MMP25: variants seen among roughly 807,000 people sequenced by gnomAD.
MMP25 encodes the protein matrix metallopeptidase 25, also known as matrix metalloproteinase-25.
Under a neutral mutation model 62.1 loss-of-function variants are expected in MMP25, and 68 were observed. The ratio of observed to expected loss-of-function variants is 1.10; its 90% CI spans 0.90 to 1.34. The LOEUF (loss-of-function observed/expected upper bound fraction) is 1.34. Among genes scored for constraint, MMP25 ranks in the 40% most tolerant of loss-of-function variants. MMP25 has a pLI of 0.00. For synonymous variants in MMP25, 407 were observed against 345.6 expected (o/e 1.18, Z -1.97); for missense variants, 942 against 792.5 (o/e 1.19, Z -2.26).
intron 7 of MMP25, 200 bp downstream of exon 7, chr16:3,057,813 C>T: frequency 1.6e-6 from 1 of 610,054 alleles, no homozygotes. Context: ...ATCCTCCCAC[C>T]TCAGCCTCCC....
intron 4 of MMP25, chr16:3,052,656 C>T (rs2717671): frequency 0.27 from 40,519 of 151,794 alleles, 5,625 homozygotes; most frequent in Middle Eastern, 0.34. Context: ...TGGAGGATGG[C>T]GTCCTGGTGC....
Position 3,058,642 on chromosome 16 carries a change from C to A in MMP25, c.1390C>A (p.Pro464Thr). 6.2e-7 allele frequency: 1 copy of A among 1,604,044 alleles called. No homozygotes were observed. The highest frequency in any genetic ancestry group is 8.5e-7 in the Non-Finnish European group (1 of 1,175,654). Residue 464 changes from proline (P) to threonine (T), a missense_variant, in exon 9 of 10, where the codon CCT (proline) becomes ACT (threonine). Physicochemically the swap from Pro to Thr is conservative, Grantham distance 38 (BLOSUM62 -1). Coordinates refer to ENST00000336577, the MANE Select transcript of MMP25 (RefSeq NM_022468.5). ...LSLWEGAPPSPDDVTVSNAGD... is the reference protein window; with the variant it reads ...LSLWEGAPPSTDDVTVSNAGD... ...CCTCTGGGAAGGCGCGCCCCCCTCC[C>A]CTGACGATGTCACCGTCAGCAACGC...
intron 4 of MMP25, chr16:3,054,465 G>A (rs1320305983): frequency 7.6e-6 from 1 of 131,322 alleles, no homozygotes; most frequent in African/African-American, 3.0e-5. Flanking sequence ...TGAATGGACA[G>A]ATGCATGCAC....
At position 3,060,177 on chromosome 16, in the gene MMP25, G is replaced by C. The variant is rs180751577; in HGVS notation, c.*1079G>C. ...CTCCCCACAGTTTTAGGATCTAAAT[G>C]ATTGCCTCTGGAACTATTCTTCTAG... On this transcript the variant is annotated 3_prime_UTR_variant, in exon 10 of 10. Transcript: ENST00000336577. The C allele has an allele frequency of 6.6e-6, 1 of 152,294 alleles. No individual in the cohort carries two copies. Among genetic ancestry groups the C allele is most frequent in the East Asian group, 1.9e-4 (1 of 5,174 alleles). 9.4% of individuals were successfully genotyped at this position (152,294 alleles called of 1,614,324 possible).
intron 4 of MMP25, chr16:3,052,866 T>C (rs559980726): frequency 1.3e-5 from 2 of 152,362 alleles, no homozygotes; most frequent in East Asian, 1.9e-4. Context: ...AGGGAAATTC[T>C]TGTGCAAGCA....
intron 2 of MMP25, among the ~76,000 whole-genome samples, chr16:3,049,730 A>G (rs544833046): frequency 2.0e-4 from 31 of 152,282 alleles, no homozygotes; most frequent in Middle Eastern, 3.4e-3. Context: ...GGGAAGCTGG[A>G]TGCAAAATCC....
chr16:3,058,036 C>A, intron 7 of MMP25, 145 bp from the exon 8 acceptor site: 1 of 953,338 alleles, frequency 1.0e-6, no homozygotes. Context: ...GGAAAAGTCT[C>A]AGGCGGGCCA....
chr16:3,047,028 G>A lies in MMP25; in HGVS notation c.99+12G>A, dbSNP rs2151151224. 1 of 1,431,116 alleles carries A rather than the reference G, an allele frequency of 7.0e-7. No homozygotes were observed. Among genetic ancestry groups the A allele is most frequent in the South Asian group, 1.4e-5 (1 of 70,660 alleles). The allele number at this position is 1,431,116 out of a possible 1,614,324, so 88.7% of individuals were successfully genotyped here. The stretch of plus-strand genomic sequence containing the variant: ...TGAGCCTGGGCGTGGTGAGCGCGGG[G>A]TCCGCAGGCTCCTGGGGTCTGCAGA... On this transcript the variant is annotated intron_variant, in intron 1 of 9. Transcript: ENST00000336577.
At chr16:3,050,927 A>C (rs1955893653) in intron 4 of MMP25, among the ~76,000 whole-genome samples, 1 of 151,820 alleles carries the variant, frequency 6.6e-6, no homozygotes, top group African/African-American at 2.4e-5. Context: ...CGTAGCCAGG[A>C]CCACAGATGT....
intron 4 of MMP25, chr16:3,055,862 C>A: frequency 2.2e-6 from 1 of 455,432 alleles, no homozygotes; most frequent in South Asian, 1.6e-5. Context: ...AGCTGGCAGG[C>A]GGCTCACCGG....
At position 3,058,815 on chromosome 16, in the gene MMP25, C is replaced by G. The variant is rs1395370736; in HGVS notation, c.1418-12C>G. The G allele has an allele frequency of 1.3e-6, 2 of 1,506,358 alleles. No homozygotes were observed. The highest frequency in any genetic ancestry group is 4.4e-5 in the Admixed American group (2 of 45,720). 93.3% of individuals were successfully genotyped at this position (1,506,358 alleles called of 1,614,324 possible). A position where few individuals can be genotyped will look rare whatever the true frequency, so the allele number is the denominator to read the frequency against. ...GCGGGGAGGGACCGGGACTCAAGCT[C>G]TGCTCCTCCAGGTGACACCTACTTC... On this transcript the variant is annotated splice_polypyrimidine_tract_variant and intron_variant, in intron 9 of 9. Transcript: ENST00000336577.
In MMP25 at chr16:3,060,562, T is replaced by C. The variant is rs1956094912; in HGVS notation, c.*1464T>C. ...AGTTGCTCATACAAACAGATCAGCA[T>C]GAGGACAGAAGGCAGGAGACTTTGG... On this transcript the variant is annotated 3_prime_UTR_variant, in exon 10 of 10. Coordinates refer to ENST00000336577, the MANE Select transcript of MMP25 (RefSeq NM_022468.5). The C allele has an allele frequency of 6.6e-6, 1 of 152,162 alleles. No individual in the cohort carries two copies. Among genetic ancestry groups the C allele is most frequent in the African/African-American group, 2.4e-5 (1 of 41,416 alleles). The allele number at this position is 152,162 out of a possible 1,614,324, so 9.4% of individuals were successfully genotyped here.
chr16:3,051,993 G>C (rs1197926272), intron 4 of MMP25: 2 of 152,134 alleles, frequency 1.3e-5, no homozygotes, highest in Non-Finnish European at 2.9e-5. Flanking sequence ...GGGTGTGGTG[G>C]TGCAAGCCTG....
rs761160421 is a variant in MMP25 at position 3,058,978 on chromosome 16, G to C, written c.1569G>C (p.Ala523=). Residue 523 remains alanine (A), a synonymous_variant, in exon 10 of 10, where the codon GCG becomes GCC. Coordinates refer to ENST00000336577, the MANE Select transcript of MMP25 (RefSeq NM_022468.5). ...CCCGCGCCCCCAGGCCCCCCAAAGC[G>C]ACCCCCGTGTCCGAAACCTGCGATT... ...SGPRAPRPPK[A]TPVSETCDCQ... is the part of the protein sequence containing the mutation. The C allele has an allele frequency of 3.2e-6, 5 of 1,551,046 alleles. No homozygotes were observed. The highest frequency in any genetic ancestry group is 1.9e-5 in the Admixed American group (1 of 51,468).
At position 3,057,645 on chromosome 16, in the gene MMP25, G is replaced by T. The variant is rs1956037105; in HGVS notation, c.1006+32G>T. 6 of 1,600,062 alleles carry T rather than the reference G, an allele frequency of 3.7e-6. No individual in the cohort carries two copies. In the South Asian group the frequency reaches 4.4e-5, roughly 12 times the overall value. On this transcript the variant is annotated intron_variant, in intron 7 of 9. Transcript: ENST00000336577. ...CATTTCACTTGGCCTCATATATGTT[G>T]GTTTCCTGCCCACTTCCAGTGACCC...
intron 4 of MMP25, 94 bp downstream of exon 4, chr16:3,050,640 G>A (rs925325875): frequency 7.7e-6 from 10 of 1,292,112 alleles, no homozygotes; most frequent in South Asian, 6.2e-5. Context: ...AAGAAACAAG[G>A]TCTTGCTCTG....
chr16:3,057,186 G>A lies in MMP25; in HGVS notation c.815G>A (p.Arg272His), dbSNP rs766255727. ...PDKYRLSQDD[R>H]DGLQQLYGKA... is the part of the protein sequence containing the mutation. ...AAGTACCGCCTGTCTCAGGATGACC[G>A]CGATGGCCTGCAGCAACTCTATGGT... The change falls in exon 5 of 10, where the codon CGC becomes CAC. Residue 272 changes from arginine (R) to histidine (H), a missense_variant. Coordinates refer to ENST00000336577, the MANE Select transcript of MMP25 (RefSeq NM_022468.5). The A allele has an allele frequency of 6.8e-6, 11 of 1,612,508 alleles. No individual in the cohort carries two copies. The highest frequency in any genetic ancestry group is 2.2e-5 in the South Asian group (2 of 90,844).
In MMP25 at chr16:3,058,233, C is replaced by A. The variant is rs753888181; in HGVS notation, c.1059C>A (p.Pro353=). The change falls in exon 8 of 10, where the codon CCC becomes CCA. Residue 353 remains proline, a synonymous_variant. Coordinates refer to ENST00000336577, the MANE Select transcript of MMP25 (RefSeq NM_022468.5). ...CCGGACAGCTGGTGTCCCCGCGACCCGCACGGCTGCACCGCTTCTGGGAGG... is the reference window on the plus strand; with the variant it reads ...CCGGACAGCTGGTGTCCCCGCGACCAGCACGGCTGCACCGCTTCTGGGAGG... ...QPSGQLVSPR[P]ARLHRFWEGL... is the part of the protein sequence containing the mutation. 1 of 1,612,532 alleles carries A rather than the reference C, an allele frequency of 6.2e-7. No homozygotes were observed. Among genetic ancestry groups the A allele is most frequent in the African/African-American group, 1.3e-5 (1 of 74,738 alleles).
intron 4 of MMP25, chr16:3,056,039 C>G (rs1408642103): frequency 4.7e-6 from 2 of 422,098 alleles, no homozygotes; most frequent in Non-Finnish European, 4.7e-6. Context: ...TCTGTGTTCC[C>G]AAGGAGATGG....
Sources: gnomAD v4.1 joint callset for allele counts (sites outside exome capture counted in the v4.1 genomes callset) on GRCh38, gnomAD v4.1.1 for gene constraint, MANE v1.5 for transcripts, NCBI Gene and HGNC (gene_info 2026-07-23, HGNC 2026-07-21) for gene names.